SP110: variants seen among roughly 807,000 people sequenced by gnomAD.
SP110 encodes SP110 nuclear body protein.
Under a neutral mutation model 92.7 loss-of-function variants are expected in SP110, and 62 were observed. The ratio of observed to expected loss-of-function variants is 0.67; its 90% CI spans 0.55 to 0.83. The LOEUF (loss-of-function observed/expected upper bound fraction) is 0.83. Among genes scored for constraint, SP110 ranks in the 40% least tolerant of loss-of-function variants. The pLI, the probability that SP110 is intolerant of heterozygous loss-of-function variation, is 0.00. For missense variants in SP110, 793 were observed against 863.9 expected (o/e 0.92, Z 1.03); for synonymous variants, 273 against 305.3 (o/e 0.89, Z 1.10).
intron 9 of SP110, 42 bp from the exon 10 acceptor site, chr2:230,201,007 C>A: frequency 1.4e-6 from 2 of 1,470,860 alleles, no homozygotes; most frequent in Non-Finnish European, 1.9e-6. Flanking sequence ...TTGGGAAACA[C>A]CATGGAGAAT....
At chr2:230,204,297 T>C (rs1210042134) in intron 8 of SP110, among the ~76,000 whole-genome samples, 1 of 152,184 alleles carries the variant, frequency 6.6e-6, no homozygotes, top group Non-Finnish European at 1.5e-5. Flanking sequence ...TTCATAATTG[T>C]ATAGTTGCAT....
At chr2:230,209,058 T>A (rs1053231736) in intron 7 of SP110, among the ~76,000 whole-genome samples, 3 of 152,198 alleles carry the variant, frequency 2.0e-5, no homozygotes, top group African/African-American at 7.2e-5. Flanking sequence ...CAGAAAAATA[T>A]ATTTTTGATT....
chr2:230,179,826 G>A (rs1406314675), intron 12 of SP110, among the ~76,000 whole-genome samples: 1 of 151,988 alleles, frequency 6.6e-6, no homozygotes, highest in East Asian at 1.9e-4. Flanking sequence ...GGGGGCCACG[G>A]GTAGCAAGCT....
At chr2:230,206,615 A>T (rs1321470957) in intron 8 of SP110, among the ~76,000 whole-genome samples, 2 of 78,148 alleles carry the variant, frequency 2.6e-5, no homozygotes, top group Admixed American at 1.4e-4. Flanking sequence ...ATATATATAT[A>T]TATATATATA....
chr2:230,203,035 G>A (rs2148863401), intron 8 of SP110: 1 of 409,940 alleles, frequency 2.4e-6, no homozygotes, highest in South Asian at 2.2e-5. Flanking sequence ...CCTGCACCAC[G>A]AGGTGGCCAC....
Position 230,200,933 on chromosome 2 carries a change from C to G in SP110, c.1081G>C (p.Gly361Arg). 1 of 1,613,924 alleles carries G rather than the reference C, an allele frequency of 6.2e-7. No homozygotes were observed. Among genetic ancestry groups the G allele is most frequent in the Non-Finnish European group, 8.5e-7 (1 of 1,179,800 alleles). ...IIDGTSEMNE[G>R]KRSQKTPSTP... ...CTAGGCGTCTTCTGGGACCTCTTTC[C>G]TTCATTCATTTCTGAAGTGCCATCA... Residue 361 changes from glycine (G) to arginine (R), a missense_variant, in exon 10 of 19, where the codon GGA (glycine) becomes CGA (arginine). Transcript: ENST00000258381.
chr2:230,184,848 C>T (rs2042285156), intron 11 of SP110, among the ~76,000 whole-genome samples: 1 of 152,058 alleles, frequency 6.6e-6, no homozygotes, highest in African/African-American at 2.4e-5. Flanking sequence ...CACGATCCTC[C>T]CAAATCTCAG....
chr2:230,223,987 T>C (rs78384679), upstream of SP110, among the ~76,000 whole-genome samples: 37 of 152,304 alleles, frequency 2.4e-4, 1 homozygote, highest in African/African-American at 8.2e-4. Context: ...CCAGAGATGG[T>C]CTGATGGTCC....
At chr2:230,217,848 T>G (rs1330576444) in intron 1 of SP110, among the ~76,000 whole-genome samples, 6 of 152,126 alleles carry the variant, frequency 3.9e-5, no homozygotes, top group African/African-American at 1.4e-4. Flanking sequence ...ATGGGTAGAG[T>G]TCAGCTGGAA....
chr2:230,188,537 G>T (rs1403505853), intron 10 of SP110, among the ~76,000 whole-genome samples: 1 of 152,162 alleles, frequency 6.6e-6, no homozygotes, highest in Non-Finnish European at 1.5e-5. Context: ...AATAGAAGTG[G>T]TGAAAGTGGG....
intron 12 of SP110, among the ~76,000 whole-genome samples, chr2:230,179,116 C>T (rs566277854): frequency 1.3e-5 from 2 of 152,286 alleles, no homozygotes; most frequent in South Asian, 2.1e-4. Flanking sequence ...TAAAGGAAAA[C>T]AAATGGCAAA....
intron 10 of SP110, among the ~76,000 whole-genome samples, chr2:230,192,314 G>A (rs113450352): frequency 0.028 from 4,228 of 152,106 alleles, 198 homozygotes; most frequent in African/African-American, 0.096. Context: ...GAAATAAAGC[G>A]TATTCAAATA....
At chr2:230,191,328 T>C (rs1371036358) in intron 10 of SP110, among the ~76,000 whole-genome samples, 1 of 151,706 alleles carries the variant, frequency 6.6e-6, no homozygotes. Context: ...CAAAAAACCC[T>C]CAAAAAATCA....
chr2:230,171,616 C>T, intron 17 of SP110, 80 bp downstream of exon 17: 1 of 1,079,506 alleles, frequency 9.3e-7, no homozygotes, highest in Non-Finnish European at 1.4e-6. Context: ...GCTTCCTGAG[C>T]AAACTGCAGC....
chr2:230,213,121 G>C (rs2044675864), intron 3 of SP110, 94 bp from the exon 4 acceptor site: 1 of 1,230,500 alleles, frequency 8.1e-7, no homozygotes, highest in East Asian at 2.3e-5. Flanking sequence ...AATAGGATGG[G>C]GGCATGGAGC....
chr2:230,182,602 G>A (rs113025693), intron 12 of SP110, among the ~76,000 whole-genome samples: 4,259 of 152,180 alleles, frequency 0.028, 200 homozygotes, highest in African/African-American at 0.097. Flanking sequence ...GGGAGCATTC[G>A]GTATCTGGTG....
chr2:230,172,001 G>A (rs2078455162), intron 16 of SP110, 65 bp downstream of exon 16: 5 of 1,004,310 alleles, frequency 5.0e-6, no homozygotes, highest in Non-Finnish European at 8.0e-6. Context: ...CCCTGACCCT[G>A]TGCCTGTTTG....
intron 14 of SP110, among the ~76,000 whole-genome samples, chr2:230,174,490 C>T (rs1560525216): frequency 6.6e-6 from 1 of 152,204 alleles, no homozygotes; most frequent in Non-Finnish European, 1.5e-5. Flanking sequence ...TGGCAACCTC[C>T]TCTCATGCCT....
chr2:230,187,203 A>G (rs1445887680), intron 10 of SP110, among the ~76,000 whole-genome samples: 1 of 151,928 alleles, frequency 6.6e-6, no homozygotes, highest in Admixed American at 6.6e-5. Context: ...TTCTTGCAGG[A>G]GTAAGGTGGT....
Sources: gnomAD v4.1 joint callset for allele counts (sites outside exome capture counted in the v4.1 genomes callset) on GRCh38, gnomAD v4.1.1 for gene constraint, MANE v1.5 for transcripts, NCBI Gene and HGNC (gene_info 2026-07-23, HGNC 2026-07-21) for gene names.